The following REPS1 variants were observed in gnomAD, a reference collection of about 807,000 sequenced individuals.
REPS1 encodes the protein ralBP1-associated Eps domain-containing protein 1.
REPS1 carries 39 observed loss-of-function variants against 100.9 expected under a neutral mutation model. That is an observed-to-expected ratio of 0.39 (90% CI 0.30 to 0.50). The LOEUF is 0.50. Among genes scored for constraint, REPS1 ranks in the 20% least tolerant of loss-of-function variants. The probability of loss-of-function intolerance (pLI) is 0.86; values close to 1 mark genes in which losing one functional copy is unlikely to be tolerated. For missense variants in REPS1, 821 were observed against 968.5 expected (o/e 0.85, Z 2.02); for synonymous variants, 324 against 340.3 (o/e 0.95, Z 0.53).
intron 1 of REPS1, among the ~76,000 whole-genome samples, chr6:138,966,440 A>G (rs907187411): frequency 1.3e-5 from 2 of 152,170 alleles, no homozygotes; most frequent in Non-Finnish European, 2.9e-5. Flanking sequence ...GACAAGCATT[A>G]ACTGTGCACA....
intron 2 of REPS1, among the ~76,000 whole-genome samples, chr6:138,947,035 G>GCTCTCTCGCTCGCTCTCTCTCTCT (rs1782663983): frequency 7.3e-6 from 1 of 137,636 alleles, no homozygotes; most frequent in African/African-American, 2.8e-5. Flanking sequence ...ATTCCCCCTT[G>GCTCTCTCGCTCGCTCTCTCTCTCT]CTCTCTCTCT....
chr6:138,910,346 G>A (rs930336052), intron 17 of REPS1, among the ~76,000 whole-genome samples: 5 of 152,094 alleles, frequency 3.3e-5, no homozygotes, highest in African/African-American at 7.2e-5. Context: ...AGAACCATGA[G>A]GCAAAATAAA....
At chr6:138,936,626 G>T (rs1032861107) in intron 8 of REPS1, among the ~76,000 whole-genome samples, 1 of 136,418 alleles carries the variant, frequency 7.3e-6, no homozygotes, top group Non-Finnish European at 1.6e-5. Context: ...TATGTTTGGG[G>T]GGGGGTAGAG....
At chr6:138,936,422 C>T (rs961094790) in intron 8 of REPS1, among the ~76,000 whole-genome samples, 2 of 152,074 alleles carry the variant, frequency 1.3e-5, no homozygotes, top group South Asian at 4.1e-4. Context: ...GTATTATCTG[C>T]CCTTGCTTGT....
Position 138,949,308 on chromosome 6 carries a change from C to T in REPS1, c.154-1395G>A, listed in dbSNP as rs139666352. Among the ~76,000 whole-genome samples the T allele has an allele frequency of 2.6e-5, 4 of 152,302 alleles. No individual in the cohort carries two copies. In the East Asian group the frequency reaches 7.7e-4, roughly 29 times the overall value. On this transcript the variant is annotated intron_variant, in intron 1 of 19. Transcript: ENST00000450536. ...CAAGAAGGGAAACAGAATCTCAATG[C>T]TGTTTTAATTGGTATTTATTAAAAG...
intron 1 of REPS1, among the ~76,000 whole-genome samples, chr6:138,952,368 C>T (rs970257056): frequency 1.3e-5 from 2 of 151,984 alleles, no homozygotes; most frequent in African/African-American, 4.8e-5. Flanking sequence ...AATAACAAAA[C>T]CAATATACAA....
rs150227857 is a variant in REPS1 at position 138,956,569 on chromosome 6, T to C, written c.154-8656A>G. Among the ~76,000 whole-genome samples, 258 of 152,152 alleles carry C rather than the reference T, an allele frequency of 1.7e-3. 1 individual carries two copies. Among genetic ancestry groups the C allele is most frequent in the Non-Finnish European group, 3.0e-3 (203 of 68,008 alleles). ...AGACTTTGCTGTTGCCCCTGGTAAG[T>C]CTTTCTAGAACTTACCGATCCCAAT... On this transcript the variant is annotated intron_variant, in intron 1 of 19. Transcript: ENST00000450536.
At chr6:138,966,275 TTAC>T (rs141053936) in intron 1 of REPS1, among the ~76,000 whole-genome samples, 1,576 of 152,236 alleles carry the variant, frequency 0.01, 20 homozygotes, top group African/African-American at 0.036. Context: ...TATATATTTG[TTAC>T]CACTGGTCAA....
At chr6:138,972,498 C>T (rs2128503306) in intron 1 of REPS1, among the ~76,000 whole-genome samples, 1 of 152,066 alleles carries the variant, frequency 6.6e-6, no homozygotes, top group East Asian at 1.9e-4. Flanking sequence ...TATGGGAATG[C>T]TATACCTTCC....
chr6:138,934,119 A>G (rs529578386), intron 8 of REPS1: 1 of 252,834 alleles, frequency 4.0e-6, no homozygotes, highest in Non-Finnish European at 8.3e-6. Flanking sequence ...ACCTCCTTCA[A>G]CTTTGCTCCA....
At chr6:138,971,418 C>T (rs1358757792) in intron 1 of REPS1, among the ~76,000 whole-genome samples, 1 of 152,042 alleles carries the variant, frequency 6.6e-6, no homozygotes, top group Admixed American at 6.6e-5. Flanking sequence ...TGGGCCTCCA[C>T]TTGCAGCCAG....
At chr6:138,927,119 C>T (rs12193050) in intron 9 of REPS1, 8,242 of 152,234 alleles carry the variant, frequency 0.054, 334 homozygotes, top group Non-Finnish European at 0.083. Flanking sequence ...ACAAACAGGG[C>T]CATGCCAGAC....
At chr6:138,924,476 A>C (rs901468132) in intron 10 of REPS1, among the ~76,000 whole-genome samples, 8 of 152,282 alleles carry the variant, frequency 5.3e-5, no homozygotes, top group African/African-American at 1.7e-4. Flanking sequence ...TCGTAGGTCA[A>C]TTTATTTCGC....
intron 13 of REPS1, chr6:138,916,218 C>CTTTTTTTTTTT (rs10582137): frequency 1.9e-4 from 40 of 207,438 alleles, no homozygotes; most frequent in Admixed American, 2.7e-4. Flanking sequence ...TTCTTTTTTT[C>CTTTTTTTTTTT]TTTTTTTTTT....
Position 138,946,333 on chromosome 6 carries a change from T to C in REPS1, c.278-636A>G, listed in dbSNP as rs183559709. 3.3e-5 allele frequency among the ~76,000 whole-genome samples: 5 copies of C among 152,358 alleles called. No individual in the cohort carries two copies. In the East Asian group the frequency reaches 7.7e-4, roughly 23 times the overall value. ...ATGTTTCTCCTACAGCCAGATATTC[T>C]ACATTCAATTTTAAATAGAGGAGAA... On this transcript the variant is annotated intron_variant, in intron 2 of 19. Coordinates refer to ENST00000450536, the MANE Select transcript of REPS1 (RefSeq NM_001286611.2).
At chr6:138,945,069 C>G (rs1782518333) in intron 4 of REPS1, 150 bp downstream of exon 4, 6 of 588,838 alleles carry the variant, frequency 1.0e-5, no homozygotes, top group African/African-American at 1.9e-5. Flanking sequence ...ATAATTGTTA[C>G]TTTCAAAAAA....
chr6:138,920,841 T>C (rs1281780897), intron 11 of REPS1, among the ~76,000 whole-genome samples, 196 bp downstream of exon 11: 1 of 152,376 alleles, frequency 6.6e-6, no homozygotes, highest in African/African-American at 2.4e-5. Flanking sequence ...CAAATGTCCT[T>C]ATTTTAAAAC....
chr6:138,973,702 CTG>C (rs2128504643), intron 1 of REPS1, among the ~76,000 whole-genome samples: 1 of 151,986 alleles, frequency 6.6e-6, no homozygotes, highest in African/African-American at 2.4e-5. Flanking sequence ...TACTTATCCT[CTG>C]TGTCATTTTA....
intron 1 of REPS1, among the ~76,000 whole-genome samples, chr6:138,986,032 T>G (rs796807615): frequency 5.3e-5 from 8 of 152,300 alleles, no homozygotes; most frequent in African/African-American, 1.9e-4. Context: ...GATCTCTAAG[T>G]CCTACTCCAA....
Sources: allele counts gnomAD v4.1 joint callset (sites outside exome capture counted in the v4.1 genomes callset), GRCh38; gene constraint gnomAD v4.1.1; transcripts MANE v1.5; gene names NCBI Gene and HGNC (gene_info 2026-07-23, HGNC 2026-07-21).